ZNF679: variants seen among roughly 807,000 people sequenced by gnomAD.
ZNF679 encodes the protein zinc finger protein 679.
In ZNF679, 10 loss-of-function variants were observed where a neutral mutation model predicts 13.4. The observed-to-expected ratio is 0.75, with a 90% CI of 0.46 to 1.27. ZNF679 has a LOEUF of 1.27. ZNF679 is among the 50% of genes most tolerant of loss of function. The pLI is 0.00. For missense variants in ZNF679, 525 were observed against 477.8 expected (o/e 1.10, Z -0.92); for synonymous variants, 179 against 162.5 (o/e 1.10, Z -0.77).
At position 64,266,429 on chromosome 7, in the gene ZNF679, A is replaced by G; in HGVS notation, c.796A>G (p.Lys266Glu). The G allele has an allele frequency of 6.2e-7, 1 of 1,613,318 alleles. No individual in the cohort carries two copies. The change falls in exon 5 of 5, where the codon AAA becomes GAA. Residue 266 changes from lysine to glutamate, a missense_variant. Transcript: ENST00000421025. The part of the protein sequence containing the change: ...TKHRRIHTGE[K>E]PYTCEECGQA... ...ACATAGGAGAATTCATACTGGAGAA[A>G]AACCCTACACATGTGAAGAATGTGG...
chr7:64,247,644 C>T (rs766445095), intron 1 of ZNF679, among the ~76,000 whole-genome samples: 18 of 152,108 alleles, frequency 1.2e-4, no homozygotes, highest in Non-Finnish European at 2.2e-4. Flanking sequence ...ACCTCTGCCT[C>T]CTGGGTTCAG....
chr7:64,248,912 C>T (rs748250233), intron 1 of ZNF679, 116 bp from the exon 2 acceptor site: 8 of 765,174 alleles, frequency 1.0e-5, no homozygotes, highest in South Asian at 1.9e-5. Context: ...AGGGTGGGTC[C>T]TGAAACCTTA....
intron 1 of ZNF679, among the ~76,000 whole-genome samples, chr7:64,236,029 G>A (rs1787706229): frequency 6.6e-6 from 1 of 152,116 alleles, no homozygotes; most frequent in Non-Finnish European, 1.5e-5. Flanking sequence ...CACTGTGGGA[G>A]GCCAAGGTGG....
At chr7:64,239,489 G>T (rs1187385921) in intron 1 of ZNF679, among the ~76,000 whole-genome samples, 1 of 152,294 alleles carries the variant, frequency 6.6e-6, no homozygotes, top group East Asian at 1.9e-4. Flanking sequence ...TTAGTAATTT[G>T]CTAGTCCTTC....
Position 64,241,134 on chromosome 7 carries a change from A to C in ZNF679, c.-90-7894A>C, listed in dbSNP as rs530542360. 2.6e-5 allele frequency among the ~76,000 whole-genome samples: 4 copies of C among 152,280 alleles called. No homozygotes were observed. In the East Asian group the frequency reaches 7.7e-4, roughly 29 times the overall value. On this transcript the variant is annotated intron_variant, in intron 1 of 4. Transcript: ENST00000421025. ...TTTTCCCTGTGTGCTGGGCTCTATT[A>C]TGGCACTCTGTAGCACTTGAGGGCT...
rs1284946114 is a variant in ZNF679, at chr7:64,266,724, C to G, written c.1091C>G (p.Ser364Cys). 6.2e-7 allele frequency: 1 copy of G among 1,612,032 alleles called. No homozygotes were observed. The highest frequency in any genetic ancestry group is 8.5e-7 in the Non-Finnish European group (1 of 1,179,082). Reference protein sequence around the residue: ...CKECGKAFAFSSTLNTHKRIH... With the variant: ...CKECGKAFAFCSTLNTHKRIH... The stretch of plus-strand genomic sequence containing the variant: ...GAATGTGGGAAAGCCTTTGCCTTCT[C>G]CTCAACTCTTAATACTCATAAGAGG... Residue 364 changes from serine (S) to cysteine (C), a missense_variant, in exon 5 of 5, where the codon TCC (serine) becomes TGC (cysteine). Coordinates refer to ENST00000421025, the MANE Select transcript of ZNF679 (RefSeq NM_153363.3).
intron 4 of ZNF679, among the ~76,000 whole-genome samples, chr7:64,262,071 G>T (rs1006249788): frequency 6.6e-6 from 1 of 152,040 alleles, no homozygotes; most frequent in Non-Finnish European, 1.5e-5. Flanking sequence ...GGTCAGGTTG[G>T]TCTCAAACTC....
intron 4 of ZNF679, 117 bp downstream of exon 4, chr7:64,261,046 A>C: frequency 9.5e-7 from 1 of 1,054,994 alleles, no homozygotes; most frequent in South Asian, 1.7e-5. Flanking sequence ...GTTTCTAAGA[A>C]GCCCGAGTCA....
At chr7:64,260,564 T>C (rs893283190) in intron 3 of ZNF679, among the ~76,000 whole-genome samples, 1 of 152,192 alleles carries the variant, frequency 6.6e-6, no homozygotes, top group Admixed American at 6.5e-5. Context: ...TCTAGGTTAG[T>C]GGCAATTCCA....
chr7:64,248,136 G>A (rs1787892808), intron 1 of ZNF679, among the ~76,000 whole-genome samples: 1 of 151,986 alleles, frequency 6.6e-6, no homozygotes, highest in Admixed American at 6.6e-5. Flanking sequence ...ATCTTACTTG[G>A]TGGAAAAAGA....
intron 1 of ZNF679, among the ~76,000 whole-genome samples, chr7:64,241,870 G>A (rs970605576): frequency 5.9e-5 from 9 of 152,186 alleles, no homozygotes; most frequent in African/African-American, 1.9e-4. Flanking sequence ...ACTGGGCCAA[G>A]ACAATACAGT....
At chr7:64,261,832 G>C (rs1206468910) in intron 4 of ZNF679, among the ~76,000 whole-genome samples, 3 of 146,514 alleles carry the variant, frequency 2.0e-5, no homozygotes, top group South Asian at 2.2e-4. Context: ...TTAAAATTTA[G>C]TTTAATCATT....
chr7:64,236,198 GA>G (rs1787709492), intron 1 of ZNF679, among the ~76,000 whole-genome samples: 1 of 152,104 alleles, frequency 6.6e-6, no homozygotes, highest in Non-Finnish European at 1.5e-5. Context: ...TCAGTAGGCA[GA>G]AGTTGCAGTG....
chr7:64,239,637 T>C (rs1787768903), intron 1 of ZNF679, among the ~76,000 whole-genome samples: 1 of 152,194 alleles, frequency 6.6e-6, no homozygotes, highest in Non-Finnish European at 1.5e-5. Context: ...TAAATCTTCT[T>C]TCCTGCCTGG....
intron 1 of ZNF679, among the ~76,000 whole-genome samples, chr7:64,247,681 A>G (rs1787886689): frequency 6.6e-6 from 1 of 151,782 alleles, no homozygotes. Flanking sequence ...AGCCTCCCAA[A>G]TAGCTGATTA....
Position 64,266,681 on chromosome 7 carries a change from A to G in ZNF679, c.1048A>G (p.Lys350Glu). ...KKHKIIHTGE[K>E]PYKCKECGKA... ...ACATAAGATAATTCATACTGGAGAG[A>G]AACCCTACAAATGTAAAGAATGTGG... is the stretch of plus-strand genomic sequence containing the variant. The change falls in exon 5 of 5, where the codon AAA (lysine) becomes GAA (glutamate). Residue 350 changes from lysine (K) to glutamate (E), a missense_variant. Physicochemically the swap from Lys to Glu is moderately conservative, Grantham distance 56 (BLOSUM62 1). Transcript: ENST00000421025. 6.2e-7 allele frequency: 1 copy of G among 1,613,594 alleles called. No individual in the cohort carries two copies. Among genetic ancestry groups the G allele is most frequent in the Non-Finnish European group, 8.5e-7 (1 of 1,179,800 alleles).
intron 2 of ZNF679, among the ~76,000 whole-genome samples, chr7:64,252,620 G>A (rs920032560): frequency 6.6e-6 from 1 of 152,222 alleles, no homozygotes; most frequent in Non-Finnish European, 1.5e-5. Flanking sequence ...AAATGTGGTA[G>A]ATAACTGGGG....
In ZNF679 at chr7:64,266,554, A is replaced by C; in HGVS notation, c.921A>C (p.Leu307Phe). 3 of 1,611,318 alleles carry C rather than the reference A, an allele frequency of 1.9e-6. No individual in the cohort carries two copies. Among genetic ancestry groups the C allele is most frequent in the Non-Finnish European group, 2.5e-6 (3 of 1,178,244 alleles). ...AAGAATGTGGCAAAGCCTTTAGCTT[A>C]TCCTCATCCCTCACTTACCACAAGA... ...TCEECGKAFS[L>F]SSSLTYHKRI... The change falls in exon 5 of 5, where the codon TTA (leucine) becomes TTC (phenylalanine). Residue 307 changes from leucine (L) to phenylalanine (F), a missense_variant. Physicochemically the swap from Leu to Phe is conservative, Grantham distance 22. Coordinates refer to ENST00000421025, the MANE Select transcript of ZNF679 (RefSeq NM_153363.3).
intron 1 of ZNF679, among the ~76,000 whole-genome samples, chr7:64,244,453 G>A (rs181884014): frequency 7.9e-5 from 12 of 151,828 alleles, no homozygotes; most frequent in South Asian, 4.2e-4. Flanking sequence ...TCTCTCTGTC[G>A]CCCAGGCTGG....
Sources: allele counts gnomAD v4.1 joint callset (sites outside exome capture counted in the v4.1 genomes callset), GRCh38; gene constraint gnomAD v4.1.1; transcripts MANE v1.5; gene names NCBI Gene and HGNC (gene_info 2026-07-23, HGNC 2026-07-21).